Variants in UACA observed in about 807,000 individuals in gnomAD.
UACA encodes the protein uveal autoantigen with coiled-coil domains and ankyrin repeats.
In UACA, 112 loss-of-function variants were observed where a neutral mutation model predicts 160.5. The ratio of observed to expected loss-of-function variants is 0.70; its 90% CI spans 0.60 to 0.82. UACA has a LOEUF of 0.82. Among genes scored for constraint, UACA ranks in the 40% least tolerant of loss-of-function variants. The pLI is 0.00. For missense variants in UACA, 1,574 were observed against 1,614.6 expected (o/e 0.97, Z 0.43); for synonymous variants, 557 against 568.4 (o/e 0.98, Z 0.29).
At chr15:70,772,040 A>G in the UACA span, among the ~76,000 whole-genome samples, 4 of 152,196 alleles carry the variant, frequency 2.6e-5, no homozygotes, top group African/African-American at 9.6e-5. Context: ...TCTTATTTAT[A>G]TACTAAAAAG....
chr15:70,776,624 T>A, the UACA span, among the ~76,000 whole-genome samples: 5 of 152,088 alleles, frequency 3.3e-5, no homozygotes, highest in African/African-American at 1.2e-4. Flanking sequence ...AGATGGGGTT[T>A]CACCAGGTTG....
At chr15:70,721,483 C>T (rs939439355) in intron 1 of UACA, among the ~76,000 whole-genome samples, 2 of 152,042 alleles carry the variant, frequency 1.3e-5, no homozygotes, top group East Asian at 1.9e-4. Context: ...AAAAATTAGC[C>T]GGGTGTGGTG....
chr15:70,778,070 A>G, the UACA span, among the ~76,000 whole-genome samples: 1 of 152,156 alleles, frequency 6.6e-6, no homozygotes. Flanking sequence ...GCATAGTGAC[A>G]TGGGCCTATA....
intron 5 of UACA, 109 bp downstream of exon 5, chr15:70,690,345 T>C (rs2140949101): frequency 9.9e-7 from 1 of 1,008,820 alleles, no homozygotes; most frequent in Middle Eastern, 2.1e-4. Context: ...TTTAATATTC[T>C]TTGTTTCTCC....
intron 1 of UACA, among the ~76,000 whole-genome samples, chr15:70,709,434 C>T (rs1898614190): frequency 6.6e-6 from 1 of 152,156 alleles, no homozygotes; most frequent in Non-Finnish European, 1.5e-5. Context: ...AAAGAAATCA[C>T]AAGTTTTGAC....
the UACA span, among the ~76,000 whole-genome samples, chr15:70,769,478 T>C: frequency 2.0e-5 from 3 of 151,524 alleles, no homozygotes; most frequent in African/African-American, 2.4e-5. Flanking sequence ...GTTTCAGTTA[T>C]GGGAAAGGGA....
rs2140937017 is a variant in UACA at position 70,684,299 on chromosome 15, G to A, written c.750C>T (p.Thr250=). The change falls in exon 8 of 19, where the codon ACC becomes ACT. Residue 250 remains threonine (T), a synonymous_variant. Transcript: ENST00000322954. ...ARIGDNLDIL[T]LLKTASENTN... ...TATTTTCCGATGCAGTCTTCAACAA[G>A]GTTAGAATGTCCAGATTGTCACCAA... 6.2e-7 allele frequency: 1 copy of A among 1,613,120 alleles called. No homozygotes were observed. The highest frequency in any genetic ancestry group is 1.1e-5 in the South Asian group (1 of 90,840).
At position 70,667,311 on chromosome 15, in the gene UACA, T is replaced by A; in HGVS notation, c.3373A>T (p.Asn1125Tyr). Residue 1125 changes from asparagine to tyrosine, a missense_variant, in exon 16 of 19, where the codon AAT becomes TAT. By Grantham distance (143) the Asn-to-Tyr change is moderately radical. Transcript: ENST00000322954. ...TCCTTTAGATTTTCAATTGTGCCAT[T>A]AAGAGATTTTTTCAGAGCCTCAACC... The part of the protein sequence containing the change: ...EQVEALKKSL[N>Y]GTIENLKEEL... 6.2e-7 allele frequency: 1 copy of A among 1,611,258 alleles called. No individual in the cohort carries two copies. Among genetic ancestry groups the A allele is most frequent in the Non-Finnish European group, 8.5e-7 (1 of 1,179,418 alleles).
At chr15:70,740,623 G>C (rs1030268705) in intron 1 of UACA, among the ~76,000 whole-genome samples, 3 of 90,100 alleles carry the variant, frequency 3.3e-5, no homozygotes, top group Non-Finnish European at 6.1e-5. Flanking sequence ...GGGTGACAAA[G>C]CAAGACCCTG....
At chr15:70,710,355 C>A (rs760520851) in intron 1 of UACA, among the ~76,000 whole-genome samples, 4 of 152,114 alleles carry the variant, frequency 2.6e-5, no homozygotes, top group Non-Finnish European at 4.4e-5. Context: ...ATAGGAAAAA[C>A]CAAACTTTTC....
chr15:70,670,972 C>G, intron 15 of UACA, 67 bp downstream of exon 15: 1 of 1,007,414 alleles, frequency 9.9e-7, no homozygotes, highest in Admixed American at 2.8e-5. Flanking sequence ...GCTTTCTCCT[C>G]TCTTTATAAA....
At chr15:70,693,050 G>C (rs944677185) in intron 3 of UACA, among the ~76,000 whole-genome samples, 2 of 152,148 alleles carry the variant, frequency 1.3e-5, no homozygotes, top group Non-Finnish European at 2.9e-5. Flanking sequence ...ATTTGCTCCT[G>C]TTCATGGACA....
chr15:70,655,505 G>C lies in UACA; in HGVS notation c.*1551C>G, dbSNP rs1217041774. 1.3e-5 allele frequency: 2 copies of C among 152,116 alleles called. No individual in the cohort carries two copies. 9.4% of individuals were successfully genotyped at this position (152,116 alleles called of 1,614,324 possible). A position where few individuals can be genotyped will look rare whatever the true frequency, so the allele number is the denominator to read the frequency against. ...AGCCTCCCAAAGTGCTGGGATTACA[G>C]GCATGAGCCACCACCCCCGGCAACT... is the stretch of plus-strand genomic sequence containing the variant. On this transcript the variant is annotated 3_prime_UTR_variant, in exon 19 of 19. Transcript: ENST00000322954.
intron 11 of UACA, among the ~76,000 whole-genome samples, chr15:70,677,599 G>A (rs560122167): frequency 3.4e-4 from 51 of 152,226 alleles, no homozygotes; most frequent in African/African-American, 1.2e-3. Context: ...GATTTCACCT[G>A]TGGTAAGTCC....
chr15:70,744,332 C>T (rs980082937), intron 1 of UACA, among the ~76,000 whole-genome samples: 1 of 151,466 alleles, frequency 6.6e-6, no homozygotes, highest in Non-Finnish European at 1.5e-5. Flanking sequence ...ATACAGGGAT[C>T]CAGCTGACTG....
At position 70,667,190 on chromosome 15, in the gene UACA, G is replaced by A. The variant is rs866429673; in HGVS notation, c.3494C>T (p.Pro1165Leu). The part of the protein sequence containing the change: ...LLENQKNSSV[P>L]LAEHLQIKEA... ...TTTAATCTGCAAATGCTCTGCCAGG[G>A]GTACAGAAGAGTTCTTTTGATTCTC... is the stretch of plus-strand genomic sequence containing the variant. Residue 1165 changes from proline (P) to leucine (L), a missense_variant, in exon 16 of 19, where the codon CCC becomes CTC. Coordinates refer to ENST00000322954, the MANE Select transcript of UACA (RefSeq NM_018003.4). The A allele has an allele frequency of 1.9e-6, 3 of 1,613,524 alleles. No individual in the cohort carries two copies. The African/African-American group carries it at 4.0e-5, about 22-fold the overall frequency.
chr15:70,743,153 C>G (rs1267835564), intron 1 of UACA, among the ~76,000 whole-genome samples: 1 of 152,170 alleles, frequency 6.6e-6, no homozygotes, highest in African/African-American at 2.4e-5. Context: ...CACATGGCCC[C>G]GTCCATCTTC....
intron 1 of UACA, among the ~76,000 whole-genome samples, chr15:70,744,775 T>C (rs146601561): frequency 1.3e-5 from 2 of 152,308 alleles, no homozygotes; most frequent in South Asian, 2.1e-4. Flanking sequence ...TACAAGTAGA[T>C]ACAGTGTCCT....
intron 1 of UACA, among the ~76,000 whole-genome samples, chr15:70,744,698 T>C (rs558283419): frequency 1.3e-5 from 2 of 152,252 alleles, no homozygotes; most frequent in East Asian, 1.9e-4. Flanking sequence ...TTAACAAATA[T>C]TAGTAGAATT....
Sources: allele counts gnomAD v4.1 joint callset (sites outside exome capture counted in the v4.1 genomes callset), GRCh38; gene constraint gnomAD v4.1.1; transcripts MANE v1.5; gene names NCBI Gene and HGNC (gene_info 2026-07-23, HGNC 2026-07-21).